The following SLC2A13 variants were observed in gnomAD, a reference collection of about 807,000 sequenced individuals.
The protein encoded by SLC2A13 is solute carrier family 2 member 13.
Under a neutral mutation model 64.4 loss-of-function variants are expected in SLC2A13, and 32 were observed. That is an observed-to-expected ratio of 0.50 (90% confidence interval 0.37 to 0.67). The LOEUF is 0.67. Ranked by LOEUF, SLC2A13 falls within the 30% of genes least tolerant of loss-of-function variation. The pLI, the probability that SLC2A13 is intolerant of heterozygous loss-of-function variation, is 0.00. For synonymous variants in SLC2A13, 338 were observed against 327.1 expected (o/e 1.03, Z -0.36); for missense variants, 743 against 829.2 (o/e 0.90, Z 1.28).
At chr12:39,960,826 C>A (rs1946399750) in intron 3 of SLC2A13, among the ~76,000 whole-genome samples, 1 of 146,128 alleles carries the variant, frequency 6.8e-6, no homozygotes, top group Non-Finnish European at 1.5e-5. Flanking sequence ...TGGCTCACTG[C>A]AACCTCAGTC....
chr12:39,900,367 G>T lies in SLC2A13; in HGVS notation c.1035-28406C>A, dbSNP rs1945057867. On this transcript the variant is annotated intron_variant, in intron 4 of 9. Coordinates refer to ENST00000280871, the MANE Select transcript of SLC2A13 (RefSeq NM_052885.4). ...GCGATTAGGCAGAAAGAAATAAAGG[G>T]GATTATATTAGGAAAAGAGGAAGTC... Among the ~76,000 whole-genome samples, 3 of 152,152 alleles carry T rather than the reference G, an allele frequency of 2.0e-5. No individual in the cohort carries two copies. In the South Asian group the frequency reaches 6.2e-4, roughly 32 times the overall value.
intron 7 of SLC2A13, among the ~76,000 whole-genome samples, chr12:39,770,602 G>GTT (rs1940528255): frequency 1.3e-5 from 2 of 152,130 alleles, no homozygotes; most frequent in African/African-American, 4.8e-5. Context: ...ATGGGCTGTT[G>GTT]GGAACATTAA....
chr12:39,905,287 C>T (rs571474259), intron 4 of SLC2A13, among the ~76,000 whole-genome samples: 6 of 152,274 alleles, frequency 3.9e-5, no homozygotes, highest in African/African-American at 1.4e-4. Flanking sequence ...TCTTGCTGCT[C>T]TGGCTGCTCT....
chr12:39,850,552 T>C (rs1216158863), intron 6 of SLC2A13, among the ~76,000 whole-genome samples: 3 of 152,206 alleles, frequency 2.0e-5, no homozygotes, highest in African/African-American at 7.2e-5. Flanking sequence ...TTAAGTTATA[T>C]GAACATGAAA....
rs1185900601 is a variant in SLC2A13 at position 39,755,166 on chromosome 12, A to T, written c.*4860T>A. ...CTTAAAAAACATTTACATGTATATC[A>T]CTAAATCTCCATAAAATATACAATA... On this transcript the variant is annotated 3_prime_UTR_variant, in exon 10 of 10. Transcript: ENST00000280871. 6.6e-6 allele frequency: 1 copy of T among 152,108 alleles called. No homozygotes were observed. The highest frequency in any genetic ancestry group is 1.5e-5 in the Non-Finnish European group (1 of 67,908). 9.4% of individuals were successfully genotyped at this position (152,108 alleles called of 1,614,324 possible). A position where few individuals can be genotyped will look rare whatever the true frequency, so the allele number is the denominator to read the frequency against.
chr12:39,779,988 A>G (rs1180473749), intron 7 of SLC2A13, among the ~76,000 whole-genome samples: 1 of 152,214 alleles, frequency 6.6e-6, no homozygotes, highest in Admixed American at 6.5e-5. Context: ...AATCCATTTT[A>G]TAGCTGCTTT....
chr12:39,896,391 T>C (rs1325048601), intron 4 of SLC2A13, among the ~76,000 whole-genome samples: 1 of 141,502 alleles, frequency 7.1e-6, no homozygotes, highest in East Asian at 2.0e-4. Flanking sequence ...TATGTATATG[T>C]GTATATATGT....
At chr12:39,970,403 A>G (rs1002731572) in intron 3 of SLC2A13, among the ~76,000 whole-genome samples, 8 of 152,212 alleles carry the variant, frequency 5.3e-5, no homozygotes, top group African/African-American at 1.9e-4. Context: ...CTACTTGGTA[A>G]TACCAACAGT....
chr12:39,822,987 G>C (rs1043885691), intron 7 of SLC2A13, among the ~76,000 whole-genome samples: 1 of 152,062 alleles, frequency 6.6e-6, no homozygotes, highest in Non-Finnish European at 1.5e-5. Flanking sequence ...AATAGTATCC[G>C]AGTCTGCAAT....
At chr12:40,096,255 TAGTA>T (rs1434951651) in intron 1 of SLC2A13, among the ~76,000 whole-genome samples, 1 of 152,116 alleles carries the variant, frequency 6.6e-6, no homozygotes, top group African/African-American at 2.4e-5. Context: ...TTTGCTAATT[TAGTA>T]AGTATCGTGT....
intron 3 of SLC2A13, among the ~76,000 whole-genome samples, chr12:40,001,774 A>T (rs1416045734): frequency 6.6e-6 from 1 of 152,244 alleles, no homozygotes; most frequent in African/African-American, 2.4e-5. Context: ...CACAAAGTGA[A>T]TTTGTTCTGA....
intron 4 of SLC2A13, among the ~76,000 whole-genome samples, chr12:39,929,325 G>A (rs1017661356): frequency 6.6e-6 from 1 of 152,070 alleles, no homozygotes; most frequent in Non-Finnish European, 1.5e-5. Flanking sequence ...GGCTGAGGTG[G>A]GTGGATCACG....
chr12:39,849,797 T>G (rs937958874), intron 6 of SLC2A13, among the ~76,000 whole-genome samples: 2 of 152,180 alleles, frequency 1.3e-5, no homozygotes, highest in Non-Finnish European at 2.9e-5. Flanking sequence ...GCTTTAATAT[T>G]TCAAGGTCAT....
In SLC2A13 at chr12:40,105,420, GC is replaced by G; in HGVS notation, c.388del (p.Ala130ArgfsTer61). 1 of 1,549,494 alleles carries G rather than the reference GC, an allele frequency of 6.5e-7. No individual in the cohort carries two copies. Among genetic ancestry groups the G allele is most frequent in the Non-Finnish European group, 8.7e-7 (1 of 1,147,870 alleles). ...TCCGGCCAGCGCCGAGACGGCAGCC[GC>G]CCCCACCGTGCTGGACACCAGCAGC... ...QELLVSSTVG[A>X]AAVSALAGGA... On this transcript the variant is annotated frameshift_variant, in exon 1 of 10. Transcript: ENST00000280871. LOFTEE classifies it high-confidence loss of function. This position sits in a 1 kb window ranked among gnomAD's most constrained non-coding sequence, Gnocchi z 4.2.
At chr12:40,019,478 G>A (rs1004498879) in intron 3 of SLC2A13, among the ~76,000 whole-genome samples, 1 of 152,074 alleles carries the variant, frequency 6.6e-6, no homozygotes, top group African/African-American at 2.4e-5. Context: ...CCCAGATCCC[G>A]CCTCCTTCAC....
chr12:40,054,772 A>G (rs1000344667), intron 1 of SLC2A13, among the ~76,000 whole-genome samples: 2 of 152,220 alleles, frequency 1.3e-5, no homozygotes, highest in Non-Finnish European at 2.9e-5. Context: ...TCAGAAGTAT[A>G]AATAATTTCA....
At chr12:40,046,858 C>A (rs1948179153) in intron 2 of SLC2A13, among the ~76,000 whole-genome samples, 1 of 151,960 alleles carries the variant, frequency 6.6e-6, no homozygotes, top group Non-Finnish European at 1.5e-5. Flanking sequence ...TTCTTACAAG[C>A]AGTTTAATTC....
rs1566751950 is a variant in SLC2A13, at chr12:39,758,717, A to T, written c.*1309T>A. The T allele has an allele frequency of 6.6e-6, 1 of 152,042 alleles. No individual in the cohort carries two copies. Among genetic ancestry groups the T allele is most frequent in the Non-Finnish European group, 1.5e-5 (1 of 67,860 alleles). 9.4% of individuals were successfully genotyped at this position (152,042 alleles called of 1,614,324 possible). A position where few individuals can be genotyped will look rare whatever the true frequency, so the allele number is the denominator to read the frequency against. On this transcript the variant is annotated 3_prime_UTR_variant, in exon 10 of 10. Transcript: ENST00000280871. ...ATTAGAACCAATTATCTGTTCCAATAGGCAATCTCAATTTTTACACAAGAA... is the reference window on the plus strand; with the variant it reads ...ATTAGAACCAATTATCTGTTCCAATTGGCAATCTCAATTTTTACACAAGAA...
intron 4 of SLC2A13, among the ~76,000 whole-genome samples, chr12:39,898,693 G>A (rs1655438521): frequency 6.6e-6 from 1 of 152,116 alleles, no homozygotes; most frequent in South Asian, 2.1e-4. Flanking sequence ...ACTGCAGATT[G>A]CAATCTCCCA....
Sources: allele counts gnomAD v4.1 joint callset (sites outside exome capture counted in the v4.1 genomes callset), GRCh38; gene constraint gnomAD v4.1.1; non-coding constraint Gnocchi (gnomAD v3.1); transcripts MANE v1.5; gene names NCBI Gene and HGNC (gene_info 2026-07-23, HGNC 2026-07-21).